The following TRPM3 variants were observed in gnomAD, a reference collection of about 807,000 sequenced individuals.
TRPM3 encodes transient receptor potential cation channel subfamily M member 3.
A neutral mutation model predicts 181.2 loss-of-function variants in TRPM3; 77 were observed. That is an observed-to-expected ratio of 0.42 (90% CI 0.35 to 0.51). TRPM3 has a LOEUF of 0.51. TRPM3 is among the 20% of genes least tolerant of loss of function. TRPM3 has a pLI of 0.01. For missense variants in TRPM3, 1,759 were observed against 2,196.7 expected, an observed-to-expected ratio of 0.80 and a Z score of 3.98; for synonymous variants, 745 against 796.4, an observed-to-expected ratio of 0.94 and a Z score of 1.09.
chr9:70,816,581 C>A (rs974715756), intron 6 of TRPM3, among the ~76,000 whole-genome samples: 26 of 152,184 alleles, frequency 1.7e-4, no homozygotes, highest in African/African-American at 6.0e-4. Flanking sequence ...AGATTACTGG[C>A]ATGTGTAGAT....
intron 5 of TRPM3, among the ~76,000 whole-genome samples, chr9:70,842,548 A>ATC (rs1392306998): frequency 6.6e-6 from 1 of 152,126 alleles, no homozygotes; most frequent in African/African-American, 2.4e-5. Flanking sequence ...AATGAAAAGA[A>ATC]TCTCTCTCTG....
intron 1 of TRPM3, among the ~76,000 whole-genome samples, chr9:71,228,763 A>C (rs1306686419): frequency 6.6e-6 from 1 of 152,174 alleles, no homozygotes; most frequent in African/African-American, 2.4e-5. Flanking sequence ...GAACCAAAGA[A>C]GTAAAAGTTC....
chr9:70,603,455 A>G lies in TRPM3; in HGVS notation c.2683T>C (p.Tyr895His). The G allele has an allele frequency of 1.2e-6, 2 of 1,614,130 alleles. No homozygotes were observed. The highest frequency in any genetic ancestry group is 1.7e-6 in the Non-Finnish European group (2 of 1,179,992). The change falls in exon 20 of 26, where the codon TAC becomes CAC. Residue 895 changes from tyrosine to histidine, a missense_variant. Tyr to His is a moderately conservative substitution (Grantham distance 83). Coordinates refer to ENST00000677713, the MANE Select transcript of TRPM3 (RefSeq NM_001366145.2). ...FWFYTLAYIG[Y>H]LMLFNYIVLV... The stretch of plus-strand genomic sequence containing the variant: ...ACGATATAGTTGAAGAGCATCAGGT[A>G]TCCGATATACGCCAGCTGTAAGGAG...
chr9:71,281,766 GA>G (rs1468955119), intron 1 of TRPM3, among the ~76,000 whole-genome samples: 7 of 152,300 alleles, frequency 4.6e-5, no homozygotes, highest in Admixed American at 4.6e-4. Context: ...AGGTACTGTA[GA>G]TATGAAAATT....
chr9:71,146,117 G>A (rs1226948038), intron 1 of TRPM3, among the ~76,000 whole-genome samples: 1 of 152,030 alleles, frequency 6.6e-6, no homozygotes, highest in East Asian at 1.9e-4. Flanking sequence ...TTGTGTATTT[G>A]GAAGAATGGG....
chr9:71,203,160 A>G (rs2078910571), intron 1 of TRPM3, among the ~76,000 whole-genome samples: 1 of 152,204 alleles, frequency 6.6e-6, no homozygotes, highest in African/African-American at 2.4e-5. Context: ...TGTCTAAGGG[A>G]GATCTAGTTC....
intron 3 of TRPM3, among the ~76,000 whole-genome samples, chr9:70,861,610 A>G (rs2095521997): frequency 1.3e-5 from 2 of 152,304 alleles, no homozygotes; most frequent in African/African-American, 2.4e-5. Context: ...CAGAGAATCT[A>G]CATTGTATGT....
intron 1 of TRPM3, among the ~76,000 whole-genome samples, chr9:71,250,077 A>C (rs1351092770): frequency 6.6e-6 from 1 of 152,214 alleles, no homozygotes; most frequent in Non-Finnish European, 1.5e-5. Context: ...ACAATCTTTA[A>C]ACACCATTTA....
rs189519225 is a variant in TRPM3, at chr9:70,697,805, A to G, written c.1273-16227T>C. On this transcript the variant is annotated intron_variant, in intron 8 of 25. Coordinates refer to ENST00000677713, the MANE Select transcript of TRPM3 (RefSeq NM_001366145.2). ...TACCACTAATGGTATATGGTTCTCC[A>G]GCAAATTCTTTTGTCTCCTCCTTTA... Among the ~76,000 whole-genome samples the G allele has an allele frequency of 2.0e-5, 3 of 152,336 alleles. No individual in the cohort carries two copies. In the East Asian group the frequency reaches 5.8e-4, roughly 29 times the overall value.
At chr9:71,375,530 T>C (rs1457814999) in intron 1 of TRPM3, among the ~76,000 whole-genome samples, 1 of 152,104 alleles carries the variant, frequency 6.6e-6, no homozygotes, top group Non-Finnish European at 1.5e-5. Flanking sequence ...AAATAGAATC[T>C]AATTAAACGA....
chr9:70,846,588 C>G lies in TRPM3; in HGVS notation c.466G>C (p.Val156Leu). The G allele has an allele frequency of 6.2e-7, 1 of 1,613,852 alleles. No homozygotes were observed. Among genetic ancestry groups the G allele is most frequent in the Non-Finnish European group, 8.5e-7 (1 of 1,179,788 alleles). ...GGGHSNKAMY[V>L]RVSFDTKPDL... Reference sequence around the variant, plus strand: ...GGTTTTGTATCAAAAGATACTCGCACATACTGGAAGAAGAAAGGACATCAA... The same window carrying G: ...GGTTTTGTATCAAAAGATACTCGCAGATACTGGAAGAAGAAAGGACATCAA... The change falls in exon 4 of 26, where the codon GTG becomes CTG. Residue 156 changes from valine to leucine, a missense_variant. This residue lies in a region of TRPM3 where 737 missense variants were observed against 957.4 expected (regional missense o/e 0.77). Coordinates refer to ENST00000677713, the MANE Select transcript of TRPM3 (RefSeq NM_001366145.2).
chr9:71,252,937 T>G (rs2082442019), intron 1 of TRPM3, among the ~76,000 whole-genome samples: 1 of 150,948 alleles, frequency 6.6e-6, no homozygotes. Context: ...TCTGCCTGCT[T>G]TGGCCTCCTG....
At chr9:71,013,394 T>C (rs1224425836) in intron 1 of TRPM3, among the ~76,000 whole-genome samples, 1 of 152,090 alleles carries the variant, frequency 6.6e-6, no homozygotes, top group African/African-American at 2.4e-5. Context: ...TGCTTTCTTT[T>C]TTGTGTTCTC....
At chr9:71,096,165 A>G (rs2067154524) in intron 1 of TRPM3, among the ~76,000 whole-genome samples, 1 of 151,992 alleles carries the variant, frequency 6.6e-6, no homozygotes, top group Non-Finnish European at 1.5e-5. Context: ...ATCTTAAAAT[A>G]GACCAGTGAT....
chr9:70,939,104 G>A (rs1250180186), intron 1 of TRPM3, among the ~76,000 whole-genome samples: 1 of 152,176 alleles, frequency 6.6e-6, no homozygotes, highest in Non-Finnish European at 1.5e-5. Flanking sequence ...CTCTGTGAAA[G>A]GTGGTACATA....
At chr9:71,382,319 T>C (rs1162363885) in intron 1 of TRPM3, among the ~76,000 whole-genome samples, 1 of 152,146 alleles carries the variant, frequency 6.6e-6, no homozygotes, top group Non-Finnish European at 1.5e-5. Flanking sequence ...ATGTGCCAAA[T>C]GCATTTGAAA....
In TRPM3 at chr9:70,861,851, A is replaced by G. The variant is rs148675626; in HGVS notation, c.462+1057T>C. ...TATCGTTCAGAAATGGTTTTAATAT[A>G]CAGTTCAGAATTATATTTCATAGAA... is the stretch of plus-strand genomic sequence containing the variant. On this transcript the variant is annotated intron_variant, in intron 3 of 25. Transcript: ENST00000677713. Among the ~76,000 whole-genome samples, 43 of 151,398 alleles carry G rather than the reference A, an allele frequency of 2.8e-4. No homozygotes were observed. In the East Asian group the frequency reaches 8.2e-3, roughly 29 times the overall value.
At chr9:71,289,053 G>A (rs1408033812) in intron 1 of TRPM3, among the ~76,000 whole-genome samples, 1 of 151,844 alleles carries the variant, frequency 6.6e-6, no homozygotes, top group Non-Finnish European at 1.5e-5. Context: ...AAGATGTAAT[G>A]GACGTGTAGC....
intron 1 of TRPM3, among the ~76,000 whole-genome samples, chr9:70,964,526 T>C (rs2097167512): frequency 6.6e-6 from 1 of 152,070 alleles, no homozygotes; most frequent in Non-Finnish European, 1.5e-5. Flanking sequence ...CACTGAGAAG[T>C]AACTAATTTC....
Sources: gnomAD v4.1 joint callset for allele counts (sites outside exome capture counted in the v4.1 genomes callset) on GRCh38, gnomAD v4.1.1 for gene constraint, gnomAD v4.1.1 regional missense constraint, MANE v1.5 for transcripts, NCBI Gene and HGNC (gene_info 2026-07-23, HGNC 2026-07-21) for gene names.